The following ROBO2 variants were observed in gnomAD, a reference collection of about 807,000 sequenced individuals.
ROBO2 encodes the protein roundabout guidance receptor 2, also known as roundabout homolog 2.
Under a neutral mutation model 160.8 loss-of-function variants are expected in ROBO2, and 53 were observed. The observed-to-expected ratio is 0.33, with a 90% confidence interval of 0.26 to 0.41. ROBO2 has a LOEUF of 0.41. Among genes scored for constraint, ROBO2 ranks in the 10% least tolerant of loss-of-function variants. The probability of loss-of-function intolerance (pLI) is 1.00; values close to 1 mark genes in which losing one functional copy is unlikely to be tolerated. For synonymous variants in ROBO2, 664 were observed against 611.7 expected (o/e 1.09, Z -1.26); for missense variants, 1,577 against 1,722.4 (o/e 0.92, Z 1.49).
At chr3:76,211,708 G>A (rs1267266264) in intron 2 of ROBO2, among the ~76,000 whole-genome samples, 3 of 152,014 alleles carry the variant, frequency 2.0e-5, no homozygotes, top group Non-Finnish European at 4.4e-5. Context: ...ATTTCCTGAA[G>A]TGTATACATT....
chr3:77,447,490 C>T (rs1264411089), intron 2 of ROBO2, among the ~76,000 whole-genome samples: 1 of 152,016 alleles, frequency 6.6e-6, no homozygotes, highest in Non-Finnish European at 1.5e-5. Context: ...ATGTAATAGG[C>T]TTTTGGTTAG....
intron 2 of ROBO2, among the ~76,000 whole-genome samples, chr3:76,272,893 A>ATATAATATATATTTATATATTAAAT: frequency 2.7e-5 from 1 of 37,164 alleles, no homozygotes; most frequent in East Asian, 6.6e-4. Flanking sequence ...TATATATAAA[A>ATATAATATATATTTATATATTAAAT]ATATAATATA....
chr3:77,291,012 T>C (rs1214617390), intron 2 of ROBO2, among the ~76,000 whole-genome samples: 2 of 147,284 alleles, frequency 1.4e-5, no homozygotes, highest in Admixed American at 1.4e-4. Flanking sequence ...TGAGGCTAGA[T>C]CACCCCAGAC....
chr3:76,453,200 T>C (rs570924803), intron 2 of ROBO2, among the ~76,000 whole-genome samples: 1,670 of 152,328 alleles, frequency 0.011, 28 homozygotes, highest in African/African-American at 0.039. Flanking sequence ...TTTGTCAATT[T>C]TGGCTTTTGT....
At chr3:76,941,600 C>T (rs529956553) in intron 2 of ROBO2, among the ~76,000 whole-genome samples, 3 of 152,252 alleles carry the variant, frequency 2.0e-5, no homozygotes, top group Admixed American at 6.5e-5. Flanking sequence ...TACCAATCAT[C>T]GGAAGGCTCC....
At chr3:77,497,014 G>A (rs1486758009) in intron 5 of ROBO2, among the ~76,000 whole-genome samples, 2 of 152,070 alleles carry the variant, frequency 1.3e-5, no homozygotes, top group African/African-American at 4.8e-5. Flanking sequence ...GAATGTTTCA[G>A]TTTGGTAGGA....
chr3:76,590,539 A>G (rs2086349844), intron 2 of ROBO2, among the ~76,000 whole-genome samples: 1 of 152,154 alleles, frequency 6.6e-6, no homozygotes, highest in Admixed American at 6.5e-5. Flanking sequence ...TTCAGAAAAG[A>G]ACTTCAACTT....
At chr3:77,344,522 G>A (rs1012360291) in intron 2 of ROBO2, among the ~76,000 whole-genome samples, 3 of 152,158 alleles carry the variant, frequency 2.0e-5, no homozygotes, top group African/African-American at 7.2e-5. Flanking sequence ...TGAGGACACA[G>A]CAGAAACATG....
At chr3:77,019,127 C>T (rs918359156) in intron 2 of ROBO2, among the ~76,000 whole-genome samples, 2 of 152,220 alleles carry the variant, frequency 1.3e-5, no homozygotes, top group East Asian at 3.9e-4. Context: ...TATCTTAGTC[C>T]ACTTGGGCTG....
intron 2 of ROBO2, among the ~76,000 whole-genome samples, chr3:76,398,253 C>T (rs2077587623): frequency 6.7e-6 from 1 of 149,216 alleles, no homozygotes; most frequent in African/African-American, 2.5e-5. Context: ...CATGTTCTCA[C>T]TCATAGGTGG....
At chr3:76,382,570 G>A (rs532349722) in intron 2 of ROBO2, among the ~76,000 whole-genome samples, 1 of 152,338 alleles carries the variant, frequency 6.6e-6, no homozygotes, top group East Asian at 1.9e-4. Context: ...CTGGGCGACA[G>A]AGCGAGACTC....
intron 2 of ROBO2, among the ~76,000 whole-genome samples, chr3:76,895,450 T>A (rs185705124): frequency 3.6e-4 from 55 of 152,180 alleles, no homozygotes; most frequent in African/African-American, 1.3e-3. Flanking sequence ...AATTAAATTA[T>A]ATATTCATTC....
At chr3:77,366,439 A>T (rs1272351009) in intron 2 of ROBO2, among the ~76,000 whole-genome samples, 1 of 151,954 alleles carries the variant, frequency 6.6e-6, no homozygotes, top group Non-Finnish European at 1.5e-5. Flanking sequence ...GGACTCTGAG[A>T]AGACGGCCTG....
At chr3:77,614,207 G>A (rs2094714643) in intron 21 of ROBO2, among the ~76,000 whole-genome samples, 1 of 152,174 alleles carries the variant, frequency 6.6e-6, no homozygotes, top group East Asian at 1.9e-4. Flanking sequence ...GGATTGGTTA[G>A]AGGATGCGAA....
At chr3:77,397,311 C>T (rs1038858624) in intron 2 of ROBO2, among the ~76,000 whole-genome samples, 2 of 152,108 alleles carry the variant, frequency 1.3e-5, no homozygotes, top group Non-Finnish European at 2.9e-5. Flanking sequence ...AGTGGAAACT[C>T]CTTTATGGTT....
At chr3:76,666,594 A>T (rs148953891) in intron 2 of ROBO2, among the ~76,000 whole-genome samples, 1 of 152,132 alleles carries the variant, frequency 6.6e-6, no homozygotes, top group Admixed American at 6.5e-5. Context: ...TTCTGACCCT[A>T]CATTTCTCAG....
intron 2 of ROBO2, among the ~76,000 whole-genome samples, chr3:77,443,656 T>G (rs2080178657): frequency 4.6e-5 from 7 of 152,184 alleles, no homozygotes; most frequent in Admixed American, 4.6e-4. Context: ...TTTAACATTT[T>G]TACCTATATA....
chr3:76,775,205 C>T (rs577076551), intron 2 of ROBO2, among the ~76,000 whole-genome samples: 1 of 150,720 alleles, frequency 6.6e-6, no homozygotes, highest in South Asian at 2.1e-4. Context: ...TGCTTAACCC[C>T]TACATACAGG....
chr3:77,504,351 A>G (rs1366584784), intron 5 of ROBO2, among the ~76,000 whole-genome samples: 1 of 152,104 alleles, frequency 6.6e-6, no homozygotes, highest in Non-Finnish European at 1.5e-5. Flanking sequence ...GGCAGTTGTT[A>G]TAAAAATATG....
Sources: allele counts gnomAD v4.1 joint callset (sites outside exome capture counted in the v4.1 genomes callset), GRCh38; gene constraint gnomAD v4.1.1; transcripts MANE v1.5; gene names NCBI Gene and HGNC (gene_info 2026-07-23, HGNC 2026-07-21).